The following ROBO1 variants were observed in gnomAD, a reference collection of about 807,000 sequenced individuals.
ROBO1 encodes the protein roundabout homolog 1.
Under a neutral mutation model 195.9 loss-of-function variants are expected in ROBO1, and 149 were observed. The ratio of observed to expected loss-of-function variants is 0.76; its 90% CI spans 0.67 to 0.87. ROBO1 has a LOEUF of 0.87. ROBO1 is among the 40% of genes least tolerant of loss of function. ROBO1 has a pLI of 0.00. For missense variants in ROBO1, 1,933 were observed against 2,068.3 expected (o/e 0.93, Z 1.27); for synonymous variants, 816 against 733.2 (o/e 1.11, Z -1.82).
chr3:78,764,978 C>T (rs371404710), intron 4 of ROBO1, among the ~76,000 whole-genome samples: 3 of 151,782 alleles, frequency 2.0e-5, no homozygotes, highest in Non-Finnish European at 4.4e-5. Flanking sequence ...AAGTTATAGT[C>T]GTGATTTTGA....
chr3:78,710,392 G>A lies in ROBO1; in HGVS notation c.1045+4005C>T, dbSNP rs1171538179. Among the ~76,000 whole-genome samples the A allele has an allele frequency of 2.0e-5, 3 of 152,260 alleles. No individual in the cohort carries two copies. The East Asian group carries it at 5.8e-4, about 29-fold the overall frequency. The stretch of plus-strand genomic sequence containing the variant: ...AATTTGTCACATAATAAATTGTCAT[G>A]ACAATATTAGTACTTCAGATTCTTC... On this transcript the variant is annotated intron_variant, in intron 8 of 30. Coordinates refer to ENST00000464233, the MANE Select transcript of ROBO1 (RefSeq NM_002941.4).
At position 78,714,587 on chromosome 3, in the gene ROBO1, T is replaced by C. The variant is rs988814021; in HGVS notation, c.918-63A>G. Reference sequence around the variant, plus strand: ...TTCTACTTGAAAGATCTCATTATTATACACACAATGCTTCAAAGCACATGC... The same window carrying C: ...TTCTACTTGAAAGATCTCATTATTACACACACAATGCTTCAAAGCACATGC... On this transcript the variant is annotated intron_variant, in intron 7 of 30. Transcript: ENST00000464233. The C allele has an allele frequency of 2.7e-6, 4 of 1,469,750 alleles. No homozygotes were observed. In the African/African-American group the frequency reaches 4.2e-5, roughly 15 times the overall value. 91.0% of individuals were successfully genotyped at this position (1,469,750 alleles called of 1,614,324 possible).
At chr3:78,924,692 G>A (rs1485124227) in intron 4 of ROBO1, among the ~76,000 whole-genome samples, 1 of 151,716 alleles carries the variant, frequency 6.6e-6, no homozygotes, top group East Asian at 1.9e-4. Context: ...CCTCCCCTAA[G>A]TAGCATTAAT....
At chr3:79,639,992 T>A (rs967181945) in intron 1 of ROBO1, among the ~76,000 whole-genome samples, 4 of 152,190 alleles carry the variant, frequency 2.6e-5, no homozygotes, top group Non-Finnish European at 4.4e-5. Context: ...CAAATGTGTA[T>A]TAAAGTTATC....
rs111299977 is a variant in ROBO1 at position 78,911,344 on chromosome 3, G to T, written c.499+27257C>A. On this transcript the variant is annotated intron_variant, in intron 4 of 30. Coordinates refer to ENST00000464233, the MANE Select transcript of ROBO1 (RefSeq NM_002941.4). ...AATGCTTTTATGGAAGTAATGTATG[G>T]AGAATTCAGGCCATGAAATTTATTA... Among the ~76,000 whole-genome samples the T allele has an allele frequency of 4.5e-3, 681 of 152,060 alleles. 6 individuals carry two copies. The highest frequency in any genetic ancestry group is 0.016 in the African/African-American group (660 of 41,510).
At chr3:79,146,306 A>T (rs1559693127) in intron 2 of ROBO1, among the ~76,000 whole-genome samples, 1 of 151,916 alleles carries the variant, frequency 6.6e-6, no homozygotes, top group Non-Finnish European at 1.5e-5. Context: ...GGGAATAAAG[A>T]TGTAGAAGAA....
intron 1 of ROBO1, among the ~76,000 whole-genome samples, chr3:79,590,876 T>C (rs907247896): frequency 6.6e-6 from 1 of 151,686 alleles, no homozygotes; most frequent in African/African-American, 2.4e-5. Flanking sequence ...TAATGACATA[T>C]TTAGGCTATT....
chr3:78,940,336 C>T (rs1473088847), intron 3 of ROBO1, among the ~76,000 whole-genome samples: 4 of 152,170 alleles, frequency 2.6e-5, no homozygotes, highest in Non-Finnish European at 1.5e-5. Flanking sequence ...TTCAGTGTAG[C>T]CAGATGAAGG....
In ROBO1 at chr3:78,981,757, A is replaced by AT. The variant is rs1429461909; in HGVS notation, c.173-42831dup. 5.4e-5 allele frequency among the ~76,000 whole-genome samples: 8 copies of AT among 149,234 alleles called. No individual in the cohort carries two copies. In the South Asian group the frequency reaches 1.5e-3, roughly 28 times the overall value. ...ACCAAGGACTTCCCAGCCTTCTCTCATTTCTCCGCTCCCATCCCCTGGCCC... is the reference window on the plus strand; with the variant it reads ...ACCAAGGACTTCCCAGCCTTCTCTCATTTTCTCCGCTCCCATCCCCTGGCCC... On this transcript the variant is annotated intron_variant, in intron 3 of 30. Coordinates refer to ENST00000464233, the MANE Select transcript of ROBO1 (RefSeq NM_002941.4).
In ROBO1 at chr3:78,941,939, C is replaced by A. The variant is rs112494243; in HGVS notation, c.173-3012G>T. ...CTGGTTTTAAAGAGCTCACTATTGG[C>A]AGCATGAAACTGGACCTAACAGGAT... On this transcript the variant is annotated intron_variant, in intron 3 of 30. Coordinates refer to ENST00000464233, the MANE Select transcript of ROBO1 (RefSeq NM_002941.4). Among the ~76,000 whole-genome samples the A allele has an allele frequency of 9.2e-4, 140 of 152,212 alleles. 1 individual carries two copies. Among genetic ancestry groups the A allele is most frequent in the African/African-American group, 2.9e-3 (120 of 41,534 alleles).
chr3:79,197,832 G>A (rs973634445), intron 2 of ROBO1, among the ~76,000 whole-genome samples: 12 of 150,770 alleles, frequency 8.0e-5, no homozygotes, highest in Admixed American at 5.9e-4. Context: ...CTGCATAAAT[G>A]TCTTCTTTTG....
At chr3:79,416,446 A>C (rs1196512942) in intron 2 of ROBO1, among the ~76,000 whole-genome samples, 1 of 151,406 alleles carries the variant, frequency 6.6e-6, no homozygotes, top group African/African-American at 2.4e-5. Flanking sequence ...TCTAAAAAAA[A>C]AAAAAGAAAC....
At chr3:79,293,915 G>C (rs192146178) in intron 2 of ROBO1, among the ~76,000 whole-genome samples, 2 of 150,520 alleles carry the variant, frequency 1.3e-5, no homozygotes, top group African/African-American at 4.9e-5. Flanking sequence ...AAAATTAGCC[G>C]GGCGTGGTAG....
intron 2 of ROBO1, among the ~76,000 whole-genome samples, chr3:79,568,582 C>T (rs1413876527): frequency 1.3e-5 from 2 of 149,632 alleles, no homozygotes. Flanking sequence ...AGTGAATCTA[C>T]TTTAGGACAG....
intron 18 of ROBO1, among the ~76,000 whole-genome samples, chr3:78,653,284 A>G (rs1706793411): frequency 6.6e-6 from 1 of 151,998 alleles, no homozygotes; most frequent in African/African-American, 2.4e-5. Context: ...TACATGACTG[A>G]CTTACGGTGG....
At chr3:78,745,875 T>C (rs1162627244) in intron 5 of ROBO1, among the ~76,000 whole-genome samples, 1 of 152,222 alleles carries the variant, frequency 6.6e-6, no homozygotes, top group East Asian at 1.9e-4. Context: ...AACTACTAAT[T>C]AGGTTGTGCG....
chr3:79,522,701 C>T (rs1446359760), intron 2 of ROBO1, among the ~76,000 whole-genome samples: 1 of 151,964 alleles, frequency 6.6e-6, no homozygotes, highest in African/African-American at 2.4e-5. Context: ...AGTAATGTAT[C>T]GATACGTCAT....
At chr3:79,315,556 G>T (rs1050374446) in intron 2 of ROBO1, among the ~76,000 whole-genome samples, 1 of 152,180 alleles carries the variant, frequency 6.6e-6, no homozygotes, top group Admixed American at 6.6e-5. Flanking sequence ...ATAAAAGTGG[G>T]AATGAGAACT....
intron 4 of ROBO1, among the ~76,000 whole-genome samples, chr3:78,807,634 T>A (rs1390475122): frequency 6.6e-6 from 1 of 152,246 alleles, no homozygotes; most frequent in Non-Finnish European, 1.5e-5. Context: ...GCAACTTTCT[T>A]ACATTTCTGT....
Sources: gnomAD v4.1 joint callset for allele counts (sites outside exome capture counted in the v4.1 genomes callset) on GRCh38, gnomAD v4.1.1 for gene constraint, MANE v1.5 for transcripts, NCBI Gene and HGNC (gene_info 2026-07-23, HGNC 2026-07-21) for gene names.